Variants in CFAP46 observed in about 807,000 individuals in gnomAD.
CFAP46 encodes cilia- and flagella-associated protein 46.
Under a neutral mutation model 325.7 loss-of-function variants are expected in CFAP46, and 245 were observed. The observed-to-expected ratio is 0.75, with a 90% confidence interval of 0.68 to 0.84. CFAP46 has a LOEUF of 0.84. CFAP46 is among the 40% of genes least tolerant of loss of function. The probability of loss-of-function intolerance (pLI) is 0.00; values close to 1 mark genes in which losing one functional copy is unlikely to be tolerated. For missense variants in CFAP46, 3,346 were observed against 3,543.0 expected, an observed-to-expected ratio of 0.94 and a Z score of 1.41; for synonymous variants, 1,523 against 1,495.9, an observed-to-expected ratio of 1.02 and a Z score of -0.42.
intron 19 of CFAP46, among the ~76,000 whole-genome samples, chr10:132,911,227 C>T (rs978977089): frequency 6.6e-5 from 10 of 152,212 alleles, no homozygotes; most frequent in African/African-American, 9.6e-5. Context: ...ATGCCACAGC[C>T]GGTGTTCCTG....
In CFAP46 at chr10:132,869,519, G is replaced by A. The variant is rs148442550; in HGVS notation, c.4512-147C>T. 1.5e-3 allele frequency: 840 copies of A among 551,552 alleles called. 19 individuals carry two copies. In the East Asian group the frequency reaches 0.027, roughly 18 times the overall value. The allele number at this position is 551,552 out of a possible 1,614,324, so 34.2% of individuals were successfully genotyped here. On this transcript the variant is annotated intron_variant, in intron 32 of 57. Coordinates refer to ENST00000368586, the MANE Select transcript of CFAP46 (RefSeq NM_001200049.3). The surrounding 1 kb of genome is among the most constrained non-coding windows in gnomAD (Gnocchi z 6.2). ...TTTTCAATCATTTTTAAAGGTAAGCGAAATTACTAGGGAAAAGTGCCCGGT... is the reference window on the plus strand; with the variant it reads ...TTTTCAATCATTTTTAAAGGTAAGCAAAATTACTAGGGAAAAGTGCCCGGT...
At chr10:132,846,258 G>A (rs1006334370) in intron 43 of CFAP46, 31 bp from the exon 44 acceptor site, 2 of 1,604,782 alleles carry the variant, frequency 1.2e-6, no homozygotes, top group Non-Finnish European at 1.7e-6. Context: ...TGTACCAGGG[G>A]CCCGAGGCCT....
intron 22 of CFAP46, among the ~76,000 whole-genome samples, chr10:132,904,576 G>A (rs1445966006): frequency 6.6e-6 from 1 of 152,210 alleles, no homozygotes; most frequent in African/African-American, 2.4e-5. Flanking sequence ...TGATTTTTAA[G>A]TCAATTTACA....
chr10:132,810,586 T>A (rs1371989123), intron 56 of CFAP46, 97 bp from the exon 57 acceptor site: 20 of 1,083,606 alleles, frequency 1.8e-5, no homozygotes, highest in Non-Finnish European at 2.8e-5. Context: ...CCCACGCACT[T>A]TCCCATAAGA....
chr10:132,819,367 C>A (rs1847753775), intron 50 of CFAP46, among the ~76,000 whole-genome samples: 1 of 152,180 alleles, frequency 6.6e-6, no homozygotes, highest in Non-Finnish European at 1.5e-5. Context: ...ATTCCAATGG[C>A]ATTTTTGACA....
intron 7 of CFAP46, among the ~76,000 whole-genome samples, chr10:132,936,693 C>T (rs1398166375): frequency 6.7e-6 from 1 of 148,378 alleles, no homozygotes; most frequent in Non-Finnish European, 1.5e-5. Context: ...CAGGCTCTTT[C>T]TGCACTTGGC....
chr10:132,836,992 G>T, intron 44 of CFAP46, 78 bp from the exon 45 acceptor site: 1 of 1,153,218 alleles, frequency 8.7e-7, no homozygotes. Flanking sequence ...TCATTTCCAG[G>T]AGACCTCGTG....
At chr10:132,833,901 G>A in intron 49 of CFAP46, 140 bp downstream of exon 49, 2 of 759,360 alleles carry the variant, frequency 2.6e-6, no homozygotes, top group Non-Finnish European at 4.5e-6. Context: ...GGAGGCCTCA[G>A]GGGAAGGAGC....
chr10:132,845,483 G>A (rs1279909315), intron 44 of CFAP46, among the ~76,000 whole-genome samples: 12 of 152,228 alleles, frequency 7.9e-5, no homozygotes, highest in African/African-American at 2.7e-4. Flanking sequence ...CCACCCCAAC[G>A]AGAGGACCAG....
At chr10:132,852,105 A>G (rs1276709402) in intron 39 of CFAP46, among the ~76,000 whole-genome samples, 1 of 142,826 alleles carries the variant, frequency 7.0e-6, no homozygotes, top group African/African-American at 2.6e-5. Context: ...CAGACGTGGT[A>G]TGTTCCTCCA....
At chr10:132,938,109 T>C (rs986484927) in intron 5 of CFAP46, among the ~76,000 whole-genome samples, 3 of 152,122 alleles carry the variant, frequency 2.0e-5, no homozygotes, top group Non-Finnish European at 4.4e-5. Context: ...CCCGGCACAG[T>C]GACCGAAGCA....
chr10:132,864,394 A>T (rs1848775385), intron 35 of CFAP46, among the ~76,000 whole-genome samples: 1 of 89,014 alleles, frequency 1.1e-5, no homozygotes, highest in African/African-American at 4.9e-5. Flanking sequence ...ACCTGCACAC[A>T]CCTGTCCCCA....
chr10:132,896,330 C>T (rs1004354251), intron 24 of CFAP46, among the ~76,000 whole-genome samples: 8 of 152,262 alleles, frequency 5.3e-5, no homozygotes, highest in African/African-American at 1.9e-4. Flanking sequence ...GGCATCCAGG[C>T]ATTGATGGCC....
Position 132,885,126 on chromosome 10 carries a change from T to C in CFAP46, c.3604A>G (p.Asn1202Asp). Residue 1202 changes from asparagine (N) to aspartate (D), a missense_variant, in exon 27 of 58, where the codon AAC becomes GAC. Transcript: ENST00000368586. ...ACCTGCAAGGCCTGGATGGCGTTGT[T>C]GTAGCAGGCCAGCTCTCCAGACACG... ...PSVSGELACY[N>D]NAIQALQKPE... 6.5e-7 allele frequency: 1 copy of C among 1,548,888 alleles called. No individual in the cohort carries two copies. Among genetic ancestry groups the C allele is most frequent in the Non-Finnish European group, 8.7e-7 (1 of 1,146,110 alleles).
intron 35 of CFAP46, among the ~76,000 whole-genome samples, chr10:132,863,624 C>T (rs73393214): frequency 0.079 from 11,994 of 151,288 alleles, 1,216 homozygotes; most frequent in African/African-American, 0.24. Context: ...CTATCAGAGA[C>T]GTGCATACAC....
Position 132,899,136 on chromosome 10 carries a change from G to A in CFAP46, c.3057-15C>T. ...TGCCTCCGAACCTAAAAGAGGGCAGGTCATGACGCGGTGGCTCCACCTGGG... is the reference window on the plus strand; with the variant it reads ...TGCCTCCGAACCTAAAAGAGGGCAGATCATGACGCGGTGGCTCCACCTGGG... On this transcript the variant is annotated splice_polypyrimidine_tract_variant and intron_variant, in intron 23 of 57. Coordinates refer to ENST00000368586, the MANE Select transcript of CFAP46 (RefSeq NM_001200049.3). 2 of 1,544,546 alleles carry A rather than the reference G, an allele frequency of 1.3e-6. No individual in the cohort carries two copies. The highest frequency in any genetic ancestry group is 1.7e-6 in the Non-Finnish European group (2 of 1,144,258).
intron 35 of CFAP46, 150 bp from the exon 36 acceptor site, chr10:132,861,132 G>A: frequency 1.2e-6 from 1 of 812,218 alleles, no homozygotes; most frequent in Non-Finnish European, 1.9e-6. Flanking sequence ...TGCTCACTCT[G>A]GCAGTGGAAG....
Position 132,810,551 on chromosome 10 carries a change from C to T in CFAP46, c.7584-62G>A, listed in dbSNP as rs760140895. On this transcript the variant is annotated intron_variant, in intron 56 of 57. Transcript: ENST00000368586. ...CCCTGGCAGCCTTGCTGAAGGGTTG[C>T]GGGACAGGCCCGGGATGCCAGGGGC... The T allele has an allele frequency of 9.7e-5, 142 of 1,470,482 alleles. 1 individual carries two copies. In the South Asian group the frequency reaches 1.4e-3, roughly 15 times the overall value. 91.1% of individuals were successfully genotyped at this position (1,470,482 alleles called of 1,614,324 possible). A position where few individuals can be genotyped will look rare whatever the true frequency, so the allele number is the denominator to read the frequency against.
At chr10:132,879,695 C>A in intron 28 of CFAP46, 64 bp from the exon 29 acceptor site, 1 of 1,414,310 alleles carries the variant, frequency 7.1e-7, no homozygotes, top group Non-Finnish European at 9.3e-7. Context: ...CCCCAGGCCA[C>A]TCCCTTCCCT....
Sources: gnomAD v4.1 joint callset for allele counts (sites outside exome capture counted in the v4.1 genomes callset) on GRCh38, gnomAD v4.1.1 for gene constraint, Gnocchi (gnomAD v3.1) non-coding constraint, MANE v1.5 for transcripts, NCBI Gene and HGNC (gene_info 2026-07-23, HGNC 2026-07-21) for gene names.